ERVFRD-1: variants seen among roughly 807,000 people sequenced by gnomAD.
ERVFRD-1 encodes syncytin-2.
In ERVFRD-1, 33 loss-of-function variants were observed where a neutral mutation model predicts 43.8. That is an observed-to-expected ratio of 0.75 (90% CI 0.57 to 1.01). The LOEUF is 1.01. Ranked by LOEUF, ERVFRD-1 falls within the 50% of genes least tolerant of loss-of-function variation. The probability of loss-of-function intolerance (pLI) is 0.00; values close to 1 mark genes in which losing one functional copy is unlikely to be tolerated. For missense variants in ERVFRD-1, 568 were observed against 658.4 expected (o/e 0.86, Z 1.50); for synonymous variants, 239 against 244.4 (o/e 0.98, Z 0.21).
At chr6:11,110,222 C>G (rs2113649829) in intron 1 of ERVFRD-1, among the ~76,000 whole-genome samples, 1 of 152,316 alleles carries the variant, frequency 6.6e-6, no homozygotes, top group African/African-American at 2.4e-5. Context: ...GTACCCCTAC[C>G]CTGATCCCAT....
At chr6:11,106,421 G>C (rs575144977) in intron 1 of ERVFRD-1, among the ~76,000 whole-genome samples, 15 of 152,336 alleles carry the variant, frequency 9.8e-5, no homozygotes, top group Admixed American at 9.1e-4. Context: ...GTGCAGGCTT[G>C]ACAAACCTGT....
At chr6:11,110,265 A>G (rs943341182) in intron 1 of ERVFRD-1, among the ~76,000 whole-genome samples, 4 of 152,110 alleles carry the variant, frequency 2.6e-5, no homozygotes, top group Non-Finnish European at 1.5e-5. Flanking sequence ...TCTGTGTTGC[A>G]GTGGTAATCT....
chr6:11,105,174 C>T lies in ERVFRD-1; in HGVS notation c.137G>A (p.Cys46Tyr). 1 of 1,614,200 alleles carries T rather than the reference C, an allele frequency of 6.2e-7. No individual in the cohort carries two copies. The highest frequency in any genetic ancestry group is 1.7e-5 in the Admixed American group (1 of 60,026). Residue 46 changes from cysteine to tyrosine, a missense_variant, in exon 2 of 2, where the codon TGT (cysteine) becomes TAT (tyrosine). Physicochemically the swap from Cys to Tyr is radical, Grantham distance 194. Coordinates refer to ENST00000472091, the MANE Select transcript of ERVFRD-1 (RefSeq NM_207582.3). Reference protein sequence around the residue: ...GSPYSTNCWLCTSSSTETPGT... With the variant: ...GSPYSTNCWLYTSSSTETPGT... The stretch of plus-strand genomic sequence containing the variant: ...TGGTGTTTCAGTGGAAGAGCTAGTA[C>T]ATAACCAGCAATTGGTGGAGTAAGG...
At chr6:11,108,556 C>G (rs1758122232) in intron 1 of ERVFRD-1, among the ~76,000 whole-genome samples, 1 of 152,134 alleles carries the variant, frequency 6.6e-6, no homozygotes, top group African/African-American at 2.4e-5. Context: ...GGCCTGGCTC[C>G]CCACAGAAGT....
At position 11,104,047 on chromosome 6, in the gene ERVFRD-1, T is replaced by C; in HGVS notation, c.1264A>G (p.Met422Val). Reference sequence around the variant, plus strand: ...ATTCCTCCCTGTGCTGCCGTTAACATGTCTAGTCCTCGACGATTTTGAAGG... The same window carrying C: ...ATTCCTCCCTGTGCTGCCGTTAACACGTCTAGTCCTCGACGATTTTGAAGG... ...VVLQNRRGLD[M>V]LTAAQGGICL... is the part of the protein sequence containing the mutation. The change falls in exon 2 of 2, where the codon ATG becomes GTG. Residue 422 changes from methionine to valine, a missense_variant. Transcript: ENST00000472091. 1 of 1,551,764 alleles carries C rather than the reference T, an allele frequency of 6.4e-7. No individual in the cohort carries two copies.
In ERVFRD-1 at chr6:11,104,741, G is replaced by T. The variant is rs2113643816; in HGVS notation, c.570C>A (p.Ser190Arg). ...AGCTTGGGCGTCCCTGGCAAAACCG[G>T]CTGGATTTATCTAGCAAAGTTCCCT... ...FPQGTLLDKS[S>R]RFCQGRPSSC... is the part of the protein sequence containing the mutation. The change falls in exon 2 of 2, where the codon AGC becomes AGA. Residue 190 changes from serine (S) to arginine (R), a missense_variant. Physicochemically the swap from Ser to Arg is moderately radical, Grantham distance 110. Transcript: ENST00000472091. The T allele has an allele frequency of 6.2e-7, 1 of 1,614,224 alleles. No homozygotes were observed. The highest frequency in any genetic ancestry group is 8.5e-7 in the Non-Finnish European group (1 of 1,180,042).
rs1362000886 is a variant in ERVFRD-1 at position 11,104,271 on chromosome 6, C to T, written c.1040G>A (p.Arg347Lys). ...IPIYGNSPLP[R>K]VRRAIHFIPL... ...AATGAAATGGATTGCCCTCCTCACC[C>T]TGGGCAACGGGGAATTCCCATAGAT... is the stretch of plus-strand genomic sequence containing the variant. Residue 347 changes from arginine to lysine, a missense_variant, in exon 2 of 2, where the codon AGG becomes AAG. By Grantham distance (26) the Arg-to-Lys change is conservative. Coordinates refer to ENST00000472091, the MANE Select transcript of ERVFRD-1 (RefSeq NM_207582.3). The T allele has an allele frequency of 2.6e-6, 4 of 1,551,612 alleles. No homozygotes were observed. Among genetic ancestry groups the T allele is most frequent in the African/African-American group, 2.7e-5 (2 of 73,038 alleles).
Position 11,103,850 on chromosome 6 carries a change from T to C in ERVFRD-1, c.1461A>G (p.Thr487=), listed in dbSNP as rs1472733210. 6.4e-7 allele frequency: 1 copy of C among 1,551,684 alleles called. No individual in the cohort carries two copies. Among genetic ancestry groups the C allele is most frequent in the Non-Finnish European group, 8.7e-7 (1 of 1,146,976 alleles). The change falls in exon 2 of 2, where the codon ACA becomes ACG. Residue 487 remains threonine, a synonymous_variant. Coordinates refer to ENST00000472091, the MANE Select transcript of ERVFRD-1 (RefSeq NM_207582.3). ...WKWFSWVLPL[T]GPLVSLLLLL... The stretch of plus-strand genomic sequence containing the variant: ...AAAGTAGGAGACTAACAAGTGGGCC[T>C]GTAAGGGGAAGAACCCAAGAGAACC...
chr6:11,104,422 CT>C lies in ERVFRD-1; in HGVS notation c.888del (p.Ala297ProfsTer23). ...FHISTCLKTQGAFYICGQSIH... is the reference protein window; with the variant it reads ...FHISTCLKTQXAFYICGQSIH... ...ATCGACTGGCCACAAATATAAAAGG[CT>C]CCTTGAGTTTTAAGGCATGTAGAGA... On this transcript the variant is annotated frameshift_variant, in exon 2 of 2. Coordinates refer to ENST00000472091, the MANE Select transcript of ERVFRD-1 (RefSeq NM_207582.3). LOFTEE classifies it high-confidence loss of function. 6.4e-7 allele frequency: 1 copy of C among 1,551,660 alleles called. No individual in the cohort carries two copies. The highest frequency in any genetic ancestry group is 2.4e-5 in the East Asian group (1 of 40,920).
Position 11,104,506 on chromosome 6 carries a change from T to A in ERVFRD-1, c.805A>T (p.Ile269Leu), listed in dbSNP as rs756366726. 6.4e-7 allele frequency: 1 copy of A among 1,559,916 alleles called. No individual in the cohort carries two copies. Among genetic ancestry groups the A allele is most frequent in the Admixed American group, 1.9e-5 (1 of 51,446 alleles). Residue 269 changes from isoleucine (I) to leucine (L), a missense_variant, in exon 2 of 2, where the codon ATA becomes TTA. By Grantham distance (5) the Ile-to-Leu change is conservative. Transcript: ENST00000472091. ...CCAAAAAATTCTGAGACTGCTGATA[T>A]GCCCAGGTAGCTGGTGGCTATAGTC... ...GMTIATSYLG[I>L]SAVSEFFGTS...
At chr6:11,108,234 G>T (rs561894636) in intron 1 of ERVFRD-1, among the ~76,000 whole-genome samples, 2 of 152,340 alleles carry the variant, frequency 1.3e-5, no homozygotes, top group South Asian at 2.1e-4. Context: ...CTCCCAGGAG[G>T]ATAATTGCCT....
At chr6:11,106,591 G>A (rs1758087021) in intron 1 of ERVFRD-1, among the ~76,000 whole-genome samples, 1 of 152,178 alleles carries the variant, frequency 6.6e-6, no homozygotes, top group Non-Finnish European at 1.5e-5. Context: ...TCATCCATTG[G>A]TTTCTTTTCA....
At chr6:11,110,756 C>T (rs896463650) in intron 1 of ERVFRD-1, among the ~76,000 whole-genome samples, 8 of 152,112 alleles carry the variant, frequency 5.3e-5, no homozygotes, top group South Asian at 2.1e-4. Flanking sequence ...GAGAGGGCAA[C>T]GTTTATTTGC....
chr6:11,110,613 C>T (rs1391661521), intron 1 of ERVFRD-1, among the ~76,000 whole-genome samples: 2 of 152,114 alleles, frequency 1.3e-5, no homozygotes, highest in South Asian at 2.1e-4. Flanking sequence ...TCTTCATCCT[C>T]CCAGGGTAAC....
In ERVFRD-1 at chr6:11,104,684, A is replaced by G. The variant is rs1758056472; in HGVS notation, c.627T>C (p.Pro209=). 5 of 1,614,264 alleles carry G rather than the reference A, an allele frequency of 3.1e-6. No individual in the cohort carries two copies. In the East Asian group the frequency reaches 1.1e-4, roughly 36 times the overall value. Residue 209 remains proline (P), a synonymous_variant, in exon 2 of 2, where the codon CCT becomes CCC. Coordinates refer to ENST00000472091, the MANE Select transcript of ERVFRD-1 (RefSeq NM_207582.3). ...SCSTRNFWFR[P]ADYNQCLQIS... The stretch of plus-strand genomic sequence containing the variant: ...TTTGCAGACATTGGTTATAATCAGC[A>G]GGCCGGAACCAGAAGTTTCGAGTAC...
chr6:11,102,715 T>C lies in ERVFRD-1; in HGVS notation c.*979A>G, dbSNP rs1581910647. ...GTTTGGCTGTTTACACTGAGTCGGGTGTTAGTTTGCTTGGTGCTGGAACCT... is the reference window on the plus strand; with the variant it reads ...GTTTGGCTGTTTACACTGAGTCGGGCGTTAGTTTGCTTGGTGCTGGAACCT... On this transcript the variant is annotated 3_prime_UTR_variant, in exon 2 of 2. Coordinates refer to ENST00000472091, the MANE Select transcript of ERVFRD-1 (RefSeq NM_207582.3). 2 of 152,182 alleles carry C rather than the reference T, an allele frequency of 1.3e-5. No individual in the cohort carries two copies. Among genetic ancestry groups the C allele is most frequent in the South Asian group, 4.1e-4 (2 of 4,832 alleles). 9.4% of individuals were successfully genotyped at this position (152,182 alleles called of 1,614,324 possible).
chr6:11,106,674 G>A (rs1311956428), intron 1 of ERVFRD-1, among the ~76,000 whole-genome samples: 1 of 152,328 alleles, frequency 6.6e-6, no homozygotes, highest in Non-Finnish European at 1.5e-5. Context: ...TGGGGAGAGA[G>A]ATGAGCAAGG....
chr6:11,109,979 T>C (rs1758143997), intron 1 of ERVFRD-1, among the ~76,000 whole-genome samples: 1 of 152,230 alleles, frequency 6.6e-6, no homozygotes, highest in South Asian at 2.1e-4. Context: ...CGTATGGCAG[T>C]GTCCCCCATT....
At chr6:11,111,248 A>G (rs1278671462) in intron 1 of ERVFRD-1, among the ~76,000 whole-genome samples, 2 of 152,230 alleles carry the variant, frequency 1.3e-5, no homozygotes, top group Non-Finnish European at 2.9e-5. Context: ...AAGAACAGAG[A>G]AAAGACAGAC....
Sources: gnomAD v4.1 joint callset for allele counts (sites outside exome capture counted in the v4.1 genomes callset) on GRCh38, gnomAD v4.1.1 for gene constraint, MANE v1.5 for transcripts, NCBI Gene and HGNC (gene_info 2026-07-23, HGNC 2026-07-21) for gene names.